The following CSMD1 variants were observed in gnomAD, a reference collection of about 807,000 sequenced individuals.
CSMD1 encodes the protein CUB and Sushi multiple domains 1, also known as CUB and sushi domain-containing protein 1.
Under a neutral mutation model 417.5 loss-of-function variants are expected in CSMD1, and 213 were observed. The ratio of observed to expected loss-of-function variants is 0.51; its 90% confidence interval spans 0.46 to 0.57. The LOEUF (loss-of-function observed/expected upper bound fraction) is 0.57. Among genes scored for constraint, CSMD1 ranks in the 20% least tolerant of loss-of-function variants. The probability of loss-of-function intolerance (pLI) is 0.00; values close to 1 mark genes in which losing one functional copy is unlikely to be tolerated. For synonymous variants in CSMD1, 2,862 were observed against 1,736.8 expected, an observed-to-expected ratio of 1.65 and a Z score of -16.11; for missense variants, 6,923 against 4,529.7, an observed-to-expected ratio of 1.53 and a Z score of -15.17.
rs1436903598 is a variant in CSMD1 at position 4,741,921 on chromosome 8, C to A, written c.86-104363G>T. 2.0e-5 allele frequency among the ~76,000 whole-genome samples: 3 copies of A among 147,958 alleles called. No homozygotes were observed. In the East Asian group the frequency reaches 6.0e-4, roughly 30 times the overall value. ...TGATCACAGCTCACTGCAGCTTCGACTTCCTGGGCTCAAGGAATCTTCCCA... is the reference window on the plus strand; with the variant it reads ...TGATCACAGCTCACTGCAGCTTCGAATTCCTGGGCTCAAGGAATCTTCCCA... On this transcript the variant is annotated intron_variant, in intron 1 of 69. Coordinates refer to ENST00000635120, the MANE Select transcript of CSMD1 (RefSeq NM_033225.6).
At chr8:3,658,969 T>C (rs1258456778) in intron 7 of CSMD1, among the ~76,000 whole-genome samples, 2 of 152,336 alleles carry the variant, frequency 1.3e-5, no homozygotes, top group African/African-American at 4.8e-5. Flanking sequence ...ATGCTAGGAA[T>C]GACCTAATAT....
At chr8:4,397,380 G>A (rs1002837578) in intron 3 of CSMD1, among the ~76,000 whole-genome samples, 4 of 152,112 alleles carry the variant, frequency 2.6e-5, no homozygotes, top group African/African-American at 9.7e-5. Context: ...ATAATCTTAA[G>A]TGGAAAAGAG....
chr8:4,009,003 C>T (rs913494102), intron 4 of CSMD1, among the ~76,000 whole-genome samples: 2 of 152,058 alleles, frequency 1.3e-5, no homozygotes, highest in South Asian at 2.1e-4. Flanking sequence ...AGGTTTTGTG[C>T]CCATACCGAA....
In CSMD1 at chr8:4,888,189, T is replaced by C. The variant is rs78132864; in HGVS notation, c.85+106143A>G. ...GATACATTGGTACATCCATATTGTA[T>C]TCATGAAGTATAATAAAAGAAAGAA... On this transcript the variant is annotated intron_variant, in intron 1 of 69. Coordinates refer to ENST00000635120, the MANE Select transcript of CSMD1 (RefSeq NM_033225.6). 2.9e-3 allele frequency among the ~76,000 whole-genome samples: 445 copies of C among 152,116 alleles called. 10 individuals carry two copies. In the South Asian group the frequency reaches 0.038, roughly 13 times the overall value.
At chr8:4,117,071 T>C (rs1388634367) in intron 3 of CSMD1, among the ~76,000 whole-genome samples, 1 of 151,960 alleles carries the variant, frequency 6.6e-6, no homozygotes, top group Non-Finnish European at 1.5e-5. Flanking sequence ...GAATGAAATC[T>C]GGCCTCCTTT....
chr8:3,754,527 T>G (rs536313470), intron 5 of CSMD1, among the ~76,000 whole-genome samples: 1 of 152,130 alleles, frequency 6.6e-6, no homozygotes, highest in African/African-American at 2.4e-5. Flanking sequence ...CGATCTCGGC[T>G]CACTGCAAGC....
intron 7 of CSMD1, among the ~76,000 whole-genome samples, chr8:3,633,419 G>C (rs538943434): frequency 1.3e-5 from 2 of 152,300 alleles, no homozygotes; most frequent in African/African-American, 4.8e-5. Flanking sequence ...ACAGTGAATG[G>C]TTGCTACTCC....
chr8:4,297,457 C>T (rs986117635), intron 3 of CSMD1, among the ~76,000 whole-genome samples: 3 of 152,106 alleles, frequency 2.0e-5, no homozygotes, highest in South Asian at 2.1e-4. Flanking sequence ...AGTTGCTGGG[C>T]GTCCGCAAGC....
In CSMD1 at chr8:3,718,601, T is replaced by C. The variant is rs1801971245; in HGVS notation, c.932-10110A>G. Among the ~76,000 whole-genome samples the C allele has an allele frequency of 2.0e-5, 3 of 152,194 alleles. No individual in the cohort carries two copies. In the South Asian group the frequency reaches 6.2e-4, roughly 32 times the overall value. On this transcript the variant is annotated intron_variant, in intron 6 of 69. Transcript: ENST00000635120. ...TAAATTAAAAGATAAATGTCTCATA[T>C]ATGAAGTTATAGTATTACATGAATC...
chr8:3,990,045 C>T (rs377734125), intron 5 of CSMD1, among the ~76,000 whole-genome samples: 112 of 152,266 alleles, frequency 7.4e-4, no homozygotes, highest in African/African-American at 2.6e-3. Flanking sequence ...AGTTAAGCAG[C>T]ATTATTTGAG....
intron 1 of CSMD1, among the ~76,000 whole-genome samples, chr8:4,888,422 G>A (rs545632926): frequency 1.1e-4 from 16 of 151,682 alleles, no homozygotes; most frequent in Non-Finnish European, 2.1e-4. Flanking sequence ...ATTCAAAACT[G>A]TCACACAACA....
At chr8:3,717,565 G>C (rs927138277) in intron 6 of CSMD1, among the ~76,000 whole-genome samples, 1 of 152,104 alleles carries the variant, frequency 6.6e-6, no homozygotes, top group Admixed American at 6.6e-5. Context: ...GAATATTTGA[G>C]AAAATTTTTA....
chr8:3,316,351 A>G (rs769348936), intron 23 of CSMD1, among the ~76,000 whole-genome samples: 2 of 152,192 alleles, frequency 1.3e-5, no homozygotes, highest in Non-Finnish European at 2.9e-5. Flanking sequence ...TCTATCAGGA[A>G]CTTTTTTGGG....
chr8:4,874,544 C>T (rs929374107), intron 1 of CSMD1, among the ~76,000 whole-genome samples: 1 of 151,676 alleles, frequency 6.6e-6, no homozygotes, highest in Non-Finnish European at 1.5e-5. Context: ...TGCCTGCCAC[C>T]TCTCCCGGCT....
intron 49 of CSMD1, among the ~76,000 whole-genome samples, chr8:3,063,551 T>G (rs1175221170): frequency 6.6e-6 from 1 of 152,220 alleles, no homozygotes; most frequent in Non-Finnish European, 1.5e-5. Context: ...GTAGCATTAT[T>G]CACAATAGCT....
intron 4 of CSMD1, among the ~76,000 whole-genome samples, chr8:4,023,640 G>A (rs1209278396): frequency 6.8e-6 from 1 of 147,808 alleles, no homozygotes; most frequent in Non-Finnish European, 1.5e-5. Flanking sequence ...AGGCTAGAGT[G>A]CAGTGGCGCG....
chr8:3,555,262 A>G (rs4875238), intron 10 of CSMD1, among the ~76,000 whole-genome samples: 109,014 of 151,838 alleles, frequency 0.72, 40,305 homozygotes, highest in East Asian at 0.99. Context: ...GCTAGGAGTC[A>G]TGAAGCCAAT....
At chr8:4,003,710 G>C (rs946660242) in intron 4 of CSMD1, among the ~76,000 whole-genome samples, 1 of 152,148 alleles carries the variant, frequency 6.6e-6, no homozygotes, top group Non-Finnish European at 1.5e-5. Context: ...TTAACACAGT[G>C]CTTCAGGCGA....
At chr8:3,727,765 T>C (rs559569397) in intron 6 of CSMD1, among the ~76,000 whole-genome samples, 169 of 152,180 alleles carry the variant, frequency 1.1e-3, no homozygotes, top group African/African-American at 3.9e-3. Context: ...GACCATATAA[T>C]CGGTTATAAT....
Sources: allele counts gnomAD v4.1 joint callset (sites outside exome capture counted in the v4.1 genomes callset), GRCh38; gene constraint gnomAD v4.1.1; transcripts MANE v1.5; gene names NCBI Gene and HGNC (gene_info 2026-07-23, HGNC 2026-07-21).